CACNA1D: variants seen among roughly 807,000 people sequenced by gnomAD.
CACNA1D encodes voltage-dependent L-type calcium channel subunit alpha-1D.
Under a neutral mutation model 257.1 loss-of-function variants are expected in CACNA1D, and 55 were observed. The ratio of observed to expected loss-of-function variants is 0.21; its 90% CI spans 0.17 to 0.27. The LOEUF (loss-of-function observed/expected upper bound fraction) is 0.27, where lower values mean the gene tolerates loss of function less well. CACNA1D is among the 10% of genes least tolerant of loss of function. CACNA1D has a pLI of 1.00. For missense variants in CACNA1D, 1,876 were observed against 2,784.0 expected (o/e 0.67, Z 7.34); for synonymous variants, 980 against 1,014.9 (o/e 0.97, Z 0.65).
At chr3:53,574,754 C>T (rs1314484428) in intron 3 of CACNA1D, among the ~76,000 whole-genome samples, 1 of 151,928 alleles carries the variant, frequency 6.6e-6, no homozygotes, top group Non-Finnish European at 1.5e-5. Flanking sequence ...CTCATATGCA[C>T]TAATTACACA....
intron 29 of CACNA1D, among the ~76,000 whole-genome samples, chr3:53,756,527 C>G (rs915793224): frequency 6.6e-6 from 1 of 152,142 alleles, no homozygotes; most frequent in Non-Finnish European, 1.5e-5. Flanking sequence ...GTGATTTAGC[C>G]GATTGTGGGT....
intron 3 of CACNA1D, among the ~76,000 whole-genome samples, chr3:53,637,583 G>C (rs932308053): frequency 2.6e-5 from 4 of 152,202 alleles, no homozygotes; most frequent in African/African-American, 9.6e-5. Context: ...TTCCCTGGGA[G>C]TGGAATTGCC....
intron 3 of CACNA1D, among the ~76,000 whole-genome samples, chr3:53,631,712 G>C (rs1473257291): frequency 6.6e-6 from 1 of 152,178 alleles, no homozygotes; most frequent in Non-Finnish European, 1.5e-5. Context: ...AAATCATAAG[G>C]CTTTTCAGAG....
intron 3 of CACNA1D, among the ~76,000 whole-genome samples, chr3:53,608,717 G>A (rs904422359): frequency 8.5e-5 from 13 of 152,048 alleles, no homozygotes; most frequent in Non-Finnish European, 1.0e-4. Context: ...CTCTTTTAAC[G>A]TATCTATTAG....
At chr3:53,767,677 T>A (rs942065096) in intron 30 of CACNA1D, among the ~76,000 whole-genome samples, 4 of 152,050 alleles carry the variant, frequency 2.6e-5, no homozygotes, top group African/African-American at 9.7e-5. Flanking sequence ...TTGTTAAAGA[T>A]CCCCAGGTGG....
chr3:53,782,219 CT>C (rs1457363318), intron 39 of CACNA1D, among the ~76,000 whole-genome samples: 2 of 117,028 alleles, frequency 1.7e-5, no homozygotes, highest in Non-Finnish European at 3.5e-5. Flanking sequence ...TAAAAAACAT[CT>C]ATATATATAC....
intron 3 of CACNA1D, among the ~76,000 whole-genome samples, chr3:53,622,298 G>A (rs367871433): frequency 6.6e-6 from 1 of 152,158 alleles, no homozygotes; most frequent in Non-Finnish European, 1.5e-5. Flanking sequence ...TGATATGCCC[G>A]TTAGGCAGTT....
chr3:53,776,902 C>T lies in CACNA1D; in HGVS notation c.4533C>T (p.Arg1511=). 1 of 1,614,176 alleles carries T rather than the reference C, an allele frequency of 6.2e-7. No homozygotes were observed. Among genetic ancestry groups the T allele is most frequent in the Non-Finnish European group, 8.5e-7 (1 of 1,180,000 alleles). ...TTGATGTGGTCACTCTGCTTCGACG[C>T]ATCCAGCCTCCCCTGGGGTTTGGGA... ...KHLDVVTLLR[R]IQPPLGFGKL... The change falls in exon 37 of 48, where the codon CGC becomes CGT. Residue 1511 remains arginine, a synonymous_variant. Transcript: ENST00000350061.
chr3:53,777,756 A>G (rs1465006756), intron 37 of CACNA1D, among the ~76,000 whole-genome samples: 1 of 152,212 alleles, frequency 6.6e-6, no homozygotes, highest in Admixed American at 6.5e-5. Context: ...TCCCAGTGCA[A>G]CGCAGTTCTG....
At chr3:53,795,327 C>T (rs1333419949) in intron 40 of CACNA1D, among the ~76,000 whole-genome samples, 1 of 152,210 alleles carries the variant, frequency 6.6e-6, no homozygotes, top group East Asian at 1.9e-4. Context: ...GGTGGCACCC[C>T]ACAGTCGTGA....
chr3:53,718,542 T>C, intron 10 of CACNA1D, 154 bp downstream of exon 10: 1 of 1,038,042 alleles, frequency 9.6e-7, no homozygotes, highest in Non-Finnish European at 1.4e-6. Context: ...CGCTTCCTCC[T>C]GTGCCAGGGC....
chr3:53,796,292 G>C, intron 40 of CACNA1D: 1 of 455,686 alleles, frequency 2.2e-6, no homozygotes, highest in Non-Finnish European at 4.4e-6. Context: ...GCTCTGCCAG[G>C]CAGGGTTCTT....
chr3:53,546,780 G>C (rs931035669), intron 3 of CACNA1D, among the ~76,000 whole-genome samples: 1 of 152,142 alleles, frequency 6.6e-6, no homozygotes, highest in South Asian at 2.1e-4. Flanking sequence ...ATAGACCTGC[G>C]TCCTAGCAGT....
intron 3 of CACNA1D, among the ~76,000 whole-genome samples, chr3:53,514,180 C>T (rs1007835900): frequency 1.3e-5 from 2 of 152,030 alleles, no homozygotes; most frequent in African/African-American, 2.4e-5. Flanking sequence ...ATTGCTTGCA[C>T]GAGGCCGTGC....
At chr3:53,532,907 G>T (rs2091994703) in intron 3 of CACNA1D, among the ~76,000 whole-genome samples, 2 of 152,154 alleles carry the variant, frequency 1.3e-5, no homozygotes. Flanking sequence ...GCTCTGTCAG[G>T]CTCCGGGACC....
chr3:53,502,937 T>G (rs1273426003), intron 3 of CACNA1D, among the ~76,000 whole-genome samples: 1 of 152,180 alleles, frequency 6.6e-6, no homozygotes, highest in Non-Finnish European at 1.5e-5. Flanking sequence ...ATGTTGAAGC[T>G]CTATTTTAGC....
chr3:53,526,761 A>C (rs1295093171), intron 3 of CACNA1D, among the ~76,000 whole-genome samples: 2 of 152,174 alleles, frequency 1.3e-5, no homozygotes, highest in Non-Finnish European at 2.9e-5. Context: ...CTCATCTGTA[A>C]AATAGTATCC....
chr3:53,688,312 A>T (rs1489437758), intron 8 of CACNA1D, among the ~76,000 whole-genome samples: 2 of 152,162 alleles, frequency 1.3e-5, no homozygotes, highest in African/African-American at 4.8e-5. Flanking sequence ...TCTCTGTTGT[A>T]GTGAGGGGAG....
At chr3:53,686,181 A>G (rs761104375) in intron 8 of CACNA1D, among the ~76,000 whole-genome samples, 4 of 152,102 alleles carry the variant, frequency 2.6e-5, no homozygotes, top group African/African-American at 7.2e-5. Flanking sequence ...GCCTTTTTAA[A>G]TGGAATTCAG....
Sources: gnomAD v4.1 joint callset for allele counts (sites outside exome capture counted in the v4.1 genomes callset) on GRCh38, gnomAD v4.1.1 for gene constraint, MANE v1.5 for transcripts, NCBI Gene and HGNC (gene_info 2026-07-23, HGNC 2026-07-21) for gene names.